CFAP46: variants seen among roughly 807,000 people sequenced by gnomAD.
The protein encoded by CFAP46 is cilia and flagella associated protein 46.
Under a neutral mutation model 325.7 loss-of-function variants are expected in CFAP46, and 245 were observed. That is an observed-to-expected ratio of 0.75 (90% confidence interval 0.68 to 0.84). CFAP46 has a LOEUF of 0.84. CFAP46 is among the 40% of genes least tolerant of loss of function. The probability of loss-of-function intolerance (pLI) is 0.00; values close to 1 mark genes in which losing one functional copy is unlikely to be tolerated. For missense variants in CFAP46, 3,346 were observed against 3,543.0 expected, an observed-to-expected ratio of 0.94 and a Z score of 1.41; for synonymous variants, 1,523 against 1,495.9, an observed-to-expected ratio of 1.02 and a Z score of -0.42.
chr10:132,816,089 G>A (rs970354926), intron 50 of CFAP46, among the ~76,000 whole-genome samples: 34 of 152,262 alleles, frequency 2.2e-4, no homozygotes, highest in African/African-American at 6.7e-4. Context: ...TCCTGGCATC[G>A]GAAGGTGTTT....
intron 44 of CFAP46, 124 bp downstream of exon 44, chr10:132,845,933 G>A (rs890926332): frequency 9.3e-7 from 1 of 1,079,734 alleles, no homozygotes; most frequent in Non-Finnish European, 1.3e-6. Context: ...CACGGGGAGG[G>A]ATGGCTCATG....
Position 132,920,163 on chromosome 10 carries a change from CCT to C in CFAP46, c.1624_1625del (p.Arg542GlyfsTer66), listed in dbSNP as rs767162866. On this transcript the variant is annotated frameshift_variant, in exon 14 of 58. Coordinates refer to ENST00000368586, the MANE Select transcript of CFAP46 (RefSeq NM_001200049.3). LOFTEE classifies it high-confidence loss of function. ...NEAKVSTGKNRGRFTYLCAKA... is the reference protein window; with the variant it reads ...NEAKVSTGKNXGRFTYLCAKA... Reference sequence around the variant, plus strand: ...TCGCACAGAGGTAGGTGAACCGGCCCCTGTTCTTCCCGGTGGAGACTGAGGGC... The same window carrying C: ...TCGCACAGAGGTAGGTGAACCGGCCCGTTCTTCCCGGTGGAGACTGAGGGC... 9.1e-5 allele frequency: 141 copies of C among 1,544,882 alleles called. No homozygotes were observed. The highest frequency in any genetic ancestry group is 1.1e-4 in the Non-Finnish European group (122 of 1,144,900).
rs576422252 is a variant in CFAP46, at chr10:132,817,332, C to T, written c.7118-2418G>A. On this transcript the variant is annotated intron_variant, in intron 50 of 57. Transcript: ENST00000368586. This position sits in a 1 kb window ranked among gnomAD's most constrained non-coding sequence, Gnocchi z 4.4. ...CATTTTCCCTTCTCTTGGTTTATCACGTGGGGGTCATTTGTGACGGGCGTG... is the reference window on the plus strand; with the variant it reads ...CATTTTCCCTTCTCTTGGTTTATCATGTGGGGGTCATTTGTGACGGGCGTG... Among the ~76,000 whole-genome samples, 97 of 152,272 alleles carry T rather than the reference C, an allele frequency of 6.4e-4. No individual in the cohort carries two copies. Among genetic ancestry groups the T allele is most frequent in the African/African-American group, 2.0e-3 (83 of 41,550 alleles).
At position 132,879,524 on chromosome 10, in the gene CFAP46, G is replaced by C; in HGVS notation, c.3907C>G (p.Arg1303Gly). The C allele has an allele frequency of 1.3e-6, 2 of 1,547,222 alleles. No homozygotes were observed. The highest frequency in any genetic ancestry group is 1.7e-6 in the Non-Finnish European group (2 of 1,146,006). ...ACCAGGGCCAGCAGGATGTGCACGCGGGCCAGCGCCTCCAGCTGCCGCACG... is the reference window on the plus strand; with the variant it reads ...ACCAGGGCCAGCAGGATGTGCACGCCGGCCAGCGCCTCCAGCTGCCGCACG... ...RSVRQLEALA[R>G]VHILLALVLS... Residue 1303 changes from arginine to glycine, a missense_variant, in exon 29 of 58, where the codon CGC becomes GGC. By Grantham distance (125) the Arg-to-Gly change is moderately radical (BLOSUM62 -2). Transcript: ENST00000368586.
intron 41 of CFAP46, among the ~76,000 whole-genome samples, chr10:132,848,434 G>A (rs1192690992): frequency 6.6e-6 from 1 of 152,122 alleles, no homozygotes; most frequent in Non-Finnish European, 1.5e-5. Flanking sequence ...GTGAGTCGGG[G>A]GGAGGGAGGG....
chr10:132,831,154 T>C (rs1013334714), intron 50 of CFAP46, among the ~76,000 whole-genome samples: 1 of 152,092 alleles, frequency 6.6e-6, no homozygotes, highest in South Asian at 2.1e-4. Context: ...TGTGGGTAAT[T>C]TGGACCCTTT....
At position 132,863,198 on chromosome 10, in the gene CFAP46, A is replaced by G. The variant is rs143245443; in HGVS notation, c.4891-2216T>C. ...CAGGACCACGGAGGCCCCGGCATGC[A>G]GCAGACTCACTCCCTAAGTCCCAGG... On this transcript the variant is annotated intron_variant, in intron 35 of 57. Coordinates refer to ENST00000368586, the MANE Select transcript of CFAP46 (RefSeq NM_001200049.3). 9.2e-3 allele frequency among the ~76,000 whole-genome samples: 1,401 copies of G among 152,150 alleles called. 12 individuals are homozygous for G. Among genetic ancestry groups the G allele is most frequent in the South Asian group, 0.043 (206 of 4,816 alleles).
intron 2 of CFAP46, 95 bp from the exon 3 acceptor site, chr10:132,941,817 G>A: frequency 6.4e-7 from 1 of 1,570,908 alleles, no homozygotes; most frequent in Non-Finnish European, 8.7e-7. Context: ...CAGGCCCCCA[G>A]CACAGGTGGA....
intron 24 of CFAP46, 79 bp from the exon 25 acceptor site, chr10:132,892,496 T>C (rs968658078): frequency 3.1e-6 from 4 of 1,309,750 alleles, no homozygotes; most frequent in Admixed American, 2.0e-5. Context: ...AAACTCCCCC[T>C]CTGAGCTCTG....
At chr10:132,854,464 A>G (rs1228621442) in intron 39 of CFAP46, among the ~76,000 whole-genome samples, 1 of 152,008 alleles carries the variant, frequency 6.6e-6, no homozygotes, top group South Asian at 2.1e-4. Flanking sequence ...CAGCCTCCCG[A>G]GTAGCTGGGA....
chr10:132,809,930 C>A (rs1337360986), intron 57 of CFAP46, among the ~76,000 whole-genome samples: 1 of 152,222 alleles, frequency 6.6e-6, no homozygotes, highest in Non-Finnish European at 1.5e-5. Context: ...CATTCCTCTT[C>A]CGGGAGGCCT....
chr10:132,814,539 G>T (rs1304540162), intron 53 of CFAP46, 38 bp downstream of exon 53: 1 of 1,549,860 alleles, frequency 6.5e-7, no homozygotes, highest in African/African-American at 1.4e-5. Flanking sequence ...GCCCGAGGCT[G>T]GCGTGTGCCT....
In CFAP46 at chr10:132,906,456, G is replaced by A. The variant is rs182763080; in HGVS notation, c.2924+2012C>T. ...CGAGAAGAGTGAACGGGGTCCTGGCGCGTGATGCCCCGTCCTGGGCACTGA... is the reference window on the plus strand; with the variant it reads ...CGAGAAGAGTGAACGGGGTCCTGGCACGTGATGCCCCGTCCTGGGCACTGA... On this transcript the variant is annotated intron_variant, in intron 22 of 57. Transcript: ENST00000368586. 3.5e-3 allele frequency among the ~76,000 whole-genome samples: 526 copies of A among 151,364 alleles called. 6 individuals carry two copies. The highest frequency in any genetic ancestry group is 2.1e-3 in the Non-Finnish European group (142 of 67,812).
At chr10:132,907,975 CG>C (rs1380140877) in intron 22 of CFAP46, among the ~76,000 whole-genome samples, 7 of 152,372 alleles carry the variant, frequency 4.6e-5, no homozygotes, top group African/African-American at 1.2e-4. Context: ...GGGAGCCCCC[CG>C]GTCTGTGGCC....
At chr10:132,853,584 G>C (rs1848594058) in intron 39 of CFAP46, among the ~76,000 whole-genome samples, 2 of 152,140 alleles carry the variant, frequency 1.3e-5, no homozygotes. Context: ...AATTTGTGTA[G>C]AACTCGTATT....
intron 4 of CFAP46, among the ~76,000 whole-genome samples, chr10:132,940,464 C>A (rs1017018987): frequency 1.3e-5 from 2 of 152,202 alleles, no homozygotes; most frequent in African/African-American, 4.8e-5. Context: ...GGGACAGCGG[C>A]CTTGGCCAAG....
chr10:132,907,471 A>C, intron 22 of CFAP46, among the ~76,000 whole-genome samples: 1 of 152,178 alleles, frequency 6.6e-6, no homozygotes, highest in East Asian at 1.9e-4. Flanking sequence ...GGCACGGCTG[A>C]CTCTGGAGAG....
At chr10:132,895,335 G>C (rs1849304399) in intron 24 of CFAP46, among the ~76,000 whole-genome samples, 1 of 152,188 alleles carries the variant, frequency 6.6e-6, no homozygotes, top group East Asian at 1.9e-4. Flanking sequence ...CTTATGGAAA[G>C]ACCCACAGCT....
At chr10:132,937,183 C>T in intron 6 of CFAP46, 128 bp from the exon 7 acceptor site, 1 of 539,660 alleles carries the variant, frequency 1.9e-6, no homozygotes. Flanking sequence ...TAAGCTGATT[C>T]CCCATATGTC....
Sources: allele counts gnomAD v4.1 joint callset (sites outside exome capture counted in the v4.1 genomes callset), GRCh38; gene constraint gnomAD v4.1.1; non-coding constraint Gnocchi (gnomAD v3.1); transcripts MANE v1.5; gene names NCBI Gene and HGNC (gene_info 2026-07-23, HGNC 2026-07-21).